Variants in PCDHA4 observed in about 807,000 individuals in gnomAD.
PCDHA4 encodes the protein protocadherin alpha 4.
A neutral mutation model predicts 61.4 loss-of-function variants in PCDHA4; 49 were observed. The ratio of observed to expected loss-of-function variants is 0.80; its 90% CI spans 0.63 to 1.01. The LOEUF is 1.01. PCDHA4 is among the 50% of genes least tolerant of loss of function. The probability of loss-of-function intolerance (pLI) is 0.00; values close to 1 mark genes in which losing one functional copy is unlikely to be tolerated. For missense variants in PCDHA4, 1,254 were observed against 1,235.8 expected, an observed-to-expected ratio of 1.01 and a Z score of -0.22; for synonymous variants, 590 against 550.3, an observed-to-expected ratio of 1.07 and a Z score of -1.01.
chr5:140,909,380 C>T (rs1247939021), intron 1 of PCDHA4, among the ~76,000 whole-genome samples: 2 of 152,194 alleles, frequency 1.3e-5, no homozygotes, highest in East Asian at 1.9e-4. Context: ...AATGAAACCA[C>T]ATCTAGTACA....
chr5:140,926,469 C>A (rs558686220), intron 1 of PCDHA4: 1 of 162,452 alleles, frequency 6.2e-6, no homozygotes, highest in Admixed American at 6.4e-5. Context: ...TAGAAAACAC[C>A]GTTTAAGGAG....
intron 2 of PCDHA4, among the ~76,000 whole-genome samples, chr5:140,980,141 T>C (rs1241352797): frequency 1.3e-5 from 2 of 152,164 alleles, no homozygotes; most frequent in Non-Finnish European, 2.9e-5. Context: ...CCAGAAACAT[T>C]CATGCATATA....
chr5:140,853,149 G>C, intron 1 of PCDHA4: 1 of 844,586 alleles, frequency 1.2e-6, no homozygotes, highest in Non-Finnish European at 1.5e-6. Flanking sequence ...AAAATGCTGG[G>C]ATTACAGGCG....
intron 1 of PCDHA4, among the ~76,000 whole-genome samples, chr5:140,962,286 T>C (rs1209495659): frequency 1.3e-5 from 2 of 152,224 alleles, no homozygotes; most frequent in Admixed American, 6.5e-5. Context: ...CCTCAACCTT[T>C]AATATTCTAT....
intron 1 of PCDHA4, among the ~76,000 whole-genome samples, chr5:140,939,514 A>G (rs1280466076): frequency 2.0e-5 from 3 of 152,236 alleles, no homozygotes; most frequent in African/African-American, 7.2e-5. Flanking sequence ...TATAACATTA[A>G]TAGTTATAGA....
At chr5:140,829,863 T>C in intron 1 of PCDHA4, 3 of 1,613,908 alleles carry the variant, frequency 1.9e-6, no homozygotes, top group Non-Finnish European at 2.5e-6. Flanking sequence ...GGCCAAGTGG[T>C]GGCGAAGGTG....
chr5:140,926,141 A>T (rs2082938262), intron 1 of PCDHA4, among the ~76,000 whole-genome samples: 1 of 152,038 alleles, frequency 6.6e-6, no homozygotes, highest in Non-Finnish European at 1.5e-5. Context: ...AGCAGGATCC[A>T]GCGCGGAAAG....
At chr5:140,988,503 GAA>G (rs2097300771) in intron 3 of PCDHA4, among the ~76,000 whole-genome samples, 1 of 152,152 alleles carries the variant, frequency 6.6e-6, no homozygotes, top group Non-Finnish European at 1.5e-5. Flanking sequence ...GAGAAGCCAT[GAA>G]GCTTACTTAA....
chr5:140,876,620 G>A lies in PCDHA4; in HGVS notation c.2385+67048G>A, dbSNP rs782423759. The A allele has an allele frequency of 1.1e-5, 18 of 1,614,062 alleles. No homozygotes were observed. The highest frequency in any genetic ancestry group is 1.7e-5 in the Admixed American group (1 of 60,010). Reference sequence around the variant, plus strand: ...TCGGATCGTGACTCTGGAGCCAATGGACAGGTCATCTGCTCACTGACACCT... The same window carrying A: ...TCGGATCGTGACTCTGGAGCCAATGAACAGGTCATCTGCTCACTGACACCT... On this transcript the variant is annotated intron_variant, in intron 1 of 3. Coordinates refer to ENST00000530339, the MANE Select transcript of PCDHA4 (RefSeq NM_018907.4).
At position 140,842,830 on chromosome 5, in the gene PCDHA4, G is replaced by T. The variant is rs1554139431; in HGVS notation, c.2385+33258G>T. ...TGGAGCGGCGGGTGGGCGAGCGCTC[G>T]CTGTCGAGCTACATTTCGGTGCACA... On this transcript the variant is annotated intron_variant, in intron 1 of 3. Coordinates refer to ENST00000530339, the MANE Select transcript of PCDHA4 (RefSeq NM_018907.4). 1.0e-5 allele frequency: 16 copies of T among 1,593,780 alleles called. 3 individuals are homozygous for T. The South Asian group carries it at 1.8e-4, about 18-fold the overall frequency.
rs1183753194 is a variant in PCDHA4 at position 140,809,079 on chromosome 5, T to C, written c.1892T>C (p.Ile631Thr). The change falls in exon 1 of 4, where the codon ATC (isoleucine) becomes ACC (threonine). Residue 631 changes from isoleucine (I) to threonine (T), a missense_variant. Physicochemically the swap from Ile to Thr is moderately conservative, Grantham distance 89. Coordinates refer to ENST00000530339, the MANE Select transcript of PCDHA4 (RefSeq NM_018907.4). ...CGCGTGGGGCTGTACACTGGCGAGA[T>C]CAGCACAACGCGTGCCCTGGACGAA... Reference protein sequence around the residue: ...PFRVGLYTGEISTTRALDETD... With the variant: ...PFRVGLYTGETSTTRALDETD... The C allele has an allele frequency of 2.5e-6, 4 of 1,613,792 alleles. No homozygotes were observed. Among genetic ancestry groups the C allele is most frequent in the Non-Finnish European group, 2.5e-6 (3 of 1,179,908 alleles).
chr5:140,954,488 T>C (rs1270188262), intron 1 of PCDHA4, among the ~76,000 whole-genome samples: 1 of 152,246 alleles, frequency 6.6e-6, no homozygotes, highest in Non-Finnish European at 1.5e-5. Flanking sequence ...AGATATTTCA[T>C]TGTGGTTTTG....
At position 140,957,153 on chromosome 5, in the gene PCDHA4, A is replaced by G. The variant is rs988889035; in HGVS notation, c.2386-21796A>G. Among the ~76,000 whole-genome samples, 121 of 152,268 alleles carry G rather than the reference A, an allele frequency of 7.9e-4. 1 individual carries two copies. Among genetic ancestry groups the G allele is most frequent in the East Asian group, 3.9e-4 (2 of 5,186 alleles). On this transcript the variant is annotated intron_variant, in intron 1 of 3. Transcript: ENST00000530339. Reference sequence around the variant, plus strand: ...ACACTATGAACTAAAAATTTTGGAGACAAATCTAAGTATATAAATTGGTTT... The same window carrying G: ...ACACTATGAACTAAAAATTTTGGAGGCAAATCTAAGTATATAAATTGGTTT...
In PCDHA4 at chr5:140,937,571, C is replaced by T. The variant is rs188926211; in HGVS notation, c.2386-41378C>T. 1.3e-4 allele frequency among the ~76,000 whole-genome samples: 20 copies of T among 151,578 alleles called. No homozygotes were observed. The East Asian group carries it at 2.7e-3, about 21-fold the overall frequency. On this transcript the variant is annotated intron_variant, in intron 1 of 3. Coordinates refer to ENST00000530339, the MANE Select transcript of PCDHA4 (RefSeq NM_018907.4). Reference sequence around the variant, plus strand: ...GGCAGAGGTTGCAGTGAGCTGGGATCGCGTCACTGCACTCTAGCCTGGGCA... The same window carrying T: ...GGCAGAGGTTGCAGTGAGCTGGGATTGCGTCACTGCACTCTAGCCTGGGCA...
chr5:140,909,442 A>T (rs1345461412), intron 1 of PCDHA4, among the ~76,000 whole-genome samples: 11 of 152,234 alleles, frequency 7.2e-5, no homozygotes, highest in African/African-American at 2.7e-4. Context: ...ATCCACTGTC[A>T]TTCTCCAAGA....
chr5:140,867,131 T>C (rs769857763), intron 1 of PCDHA4: 1 of 152,188 alleles, frequency 6.6e-6, no homozygotes, highest in African/African-American at 2.4e-5. Context: ...TTCAAATATG[T>C]GATATTATCA....
chr5:140,893,050 A>T (rs967159859), intron 1 of PCDHA4, among the ~76,000 whole-genome samples: 1 of 152,248 alleles, frequency 6.6e-6, no homozygotes, highest in Non-Finnish European at 1.5e-5. Context: ...CTCCAGGCTC[A>T]GCCATACTGC....
intron 1 of PCDHA4, among the ~76,000 whole-genome samples, chr5:140,946,591 A>C (rs972556402): frequency 5.0e-5 from 6 of 119,488 alleles, no homozygotes; most frequent in African/African-American, 2.1e-4. Context: ...ATAGTGGATG[A>C]ATAGATAAAG....
At chr5:140,959,956 G>A (rs78198535) in intron 1 of PCDHA4, among the ~76,000 whole-genome samples, 3,568 of 152,304 alleles carry the variant, frequency 0.023, 49 homozygotes, top group Middle Eastern at 0.034. Flanking sequence ...TCATAGGTAG[G>A]AGGTAGATGT....
Sources: gnomAD v4.1 joint callset for allele counts (sites outside exome capture counted in the v4.1 genomes callset) on GRCh38, gnomAD v4.1.1 for gene constraint, MANE v1.5 for transcripts, NCBI Gene and HGNC (gene_info 2026-07-23, HGNC 2026-07-21) for gene names.